Variants in PPP2R1B observed in about 807,000 individuals in gnomAD.
PPP2R1B encodes protein phosphatase 2 scaffold subunit Abeta.
In PPP2R1B, 58 loss-of-function variants were observed where a neutral mutation model predicts 72.7. The ratio of observed to expected loss-of-function variants is 0.80; its 90% confidence interval spans 0.65 to 0.99. The LOEUF is 0.99. PPP2R1B is among the 50% of genes least tolerant of loss of function. The pLI is 0.00. For synonymous variants in PPP2R1B, 256 were observed against 264.6 expected, an observed-to-expected ratio of 0.97 and a Z score of 0.32; for missense variants, 695 against 733.6, an observed-to-expected ratio of 0.95 and a Z score of 0.61.
downstream of PPP2R1B, among the ~76,000 whole-genome samples, chr11:111,734,120 C>T (rs1183725219): frequency 6.6e-6 from 1 of 152,198 alleles, no homozygotes; most frequent in Non-Finnish European, 1.5e-5. Context: ...TGCAGCCTGG[C>T]CTGGCACTCC....
At chr11:111,758,003 A>G (rs1466304576) in intron 5 of PPP2R1B, among the ~76,000 whole-genome samples, 5 of 152,298 alleles carry the variant, frequency 3.3e-5, no homozygotes, top group African/African-American at 1.2e-4. Context: ...ATCCAATCCA[A>G]TAATACTAAC....
chr11:111,740,242 G>A lies in PPP2R1B; in HGVS notation c.*1354C>T. 1.0e-6 allele frequency: 1 copy of A among 981,262 alleles called. No individual in the cohort carries two copies. Among genetic ancestry groups the A allele is most frequent in the Non-Finnish European group, 1.2e-6 (1 of 826,210 alleles). 60.8% of individuals were successfully genotyped at this position (981,262 alleles called of 1,614,324 possible). A position where few individuals can be genotyped will look rare whatever the true frequency, so the allele number is the denominator to read the frequency against. ...AAAATAGTTGTTTTTTTTTGAGATGGACTCTCGCTCTATGGCCCAGGCTAG... is the reference window on the plus strand; with the variant it reads ...AAAATAGTTGTTTTTTTTTGAGATGAACTCTCGCTCTATGGCCCAGGCTAG... On this transcript the variant is annotated 3_prime_UTR_variant, in exon 15 of 15. Transcript: ENST00000527614.
At chr11:111,723,679 C>A, downstream of PPP2R1B, 8 of 1,614,162 alleles carry the variant, frequency 5.0e-6, no homozygotes, top group Non-Finnish European at 6.8e-6. Flanking sequence ...TGAGCCCCGT[C>A]CTGGAGCCTT....
chr11:111,766,159 C>T, intron 1 of PPP2R1B, 89 bp downstream of exon 1: 2 of 1,310,850 alleles, frequency 1.5e-6, no homozygotes, highest in South Asian at 1.2e-5. Context: ...TTCAGTACCT[C>T]GGCCACCCCC....
intron 15 of PPP2R1B, chr11:111,727,738 AT>A (rs1404057041): frequency 6.6e-6 from 1 of 152,464 alleles, no homozygotes; most frequent in East Asian, 1.9e-4. Flanking sequence ...CTCCAGAGTG[AT>A]TAGGTGATCA....
chr11:111,766,323 T>G lies in PPP2R1B; in HGVS notation c.39A>C (p.Ala13=), dbSNP rs781989464. Residue 13 remains alanine, a synonymous_variant, in exon 1 of 15, where the codon GCA becomes GCC. Transcript: ENST00000527614. ...GASELGTGPG[A]AGGDGDDSLY... ...GCGAATCATCTCCATCTCCACCCGCTGCTCCTGGGCCGGTCCCGAGCTCTG... is the reference window on the plus strand; with the variant it reads ...GCGAATCATCTCCATCTCCACCCGCGGCTCCTGGGCCGGTCCCGAGCTCTG... The G allele has an allele frequency of 8.4e-6, 13 of 1,554,250 alleles. No individual in the cohort carries two copies. The highest frequency in any genetic ancestry group is 1.1e-5 in the Non-Finnish European group (13 of 1,155,896).
intron 15 of PPP2R1B, chr11:111,727,352 T>G: frequency 2.2e-6 from 1 of 452,168 alleles, no homozygotes; most frequent in East Asian, 3.5e-5. Flanking sequence ...AAAAAGTCAG[T>G]GGCCCTTTCT....
the PPP2R1B span, among the ~76,000 whole-genome samples, chr11:111,718,395 C>T: frequency 5.3e-5 from 8 of 152,168 alleles, no homozygotes; most frequent in Non-Finnish European, 1.2e-4. Context: ...GGCCAGGTTT[C>T]AGAGTTTTGC....
chr11:111,713,523 A>C, the PPP2R1B span, among the ~76,000 whole-genome samples: 1 of 152,220 alleles, frequency 6.6e-6, no homozygotes, highest in Non-Finnish European at 1.5e-5. Flanking sequence ...GATTATAGAT[A>C]ATAAATAATG....
rs555073634 is a variant in PPP2R1B, at chr11:111,763,445, T to C, written c.306+1360A>G. Reference sequence around the variant, plus strand: ...AAGAGCTATAGCAGAGAGTGAGCCATCTGCTGGGTGATGTGAACTGTAAGA... The same window carrying C: ...AAGAGCTATAGCAGAGAGTGAGCCACCTGCTGGGTGATGTGAACTGTAAGA... On this transcript the variant is annotated intron_variant, in intron 3 of 14. Transcript: ENST00000527614. Among the ~76,000 whole-genome samples, 30 of 152,264 alleles carry C rather than the reference T, an allele frequency of 2.0e-4. No individual in the cohort carries two copies. The South Asian group carries it at 6.2e-3, about 32-fold the overall frequency.
At chr11:111,694,685 G>A in the PPP2R1B span, among the ~76,000 whole-genome samples, 2 of 152,238 alleles carry the variant, frequency 1.3e-5, no homozygotes, top group African/African-American at 4.8e-5. Flanking sequence ...TACGTAAAAA[G>A]TAAAAAGAGC....
chr11:111,688,422 G>T, the PPP2R1B span, among the ~76,000 whole-genome samples: 16 of 152,336 alleles, frequency 1.1e-4, no homozygotes, highest in Non-Finnish European at 2.1e-4. The surrounding 1 kb of genome is among the most constrained non-coding windows in gnomAD (Gnocchi z 4.2). Context: ...GGGGTGCTCT[G>T]CTGGAAGAGG....
chr11:111,750,847 T>TG (rs199929118), intron 10 of PPP2R1B, among the ~76,000 whole-genome samples: 2,214 of 151,186 alleles, frequency 0.015, 28 homozygotes, highest in Non-Finnish European at 0.02. Flanking sequence ...TGTTTTGTTT[T>TG]TTTTTTTTTG....
At chr11:111,703,531 G>A in the PPP2R1B span, 36 of 880,988 alleles carry the variant, frequency 4.1e-5, no homozygotes, top group African/African-American at 1.8e-4. Context: ...GCGCCTAGGC[G>A]TACTGTTCAG....
chr11:111,726,744 T>C (rs1943980616), downstream of PPP2R1B: 2 of 566,512 alleles, frequency 3.5e-6, no homozygotes, highest in East Asian at 2.9e-5. Flanking sequence ...TTAGTATCGC[T>C]CTTTTTCTGC....
chr11:111,688,109 A>T, the PPP2R1B span: 1 of 1,614,052 alleles, frequency 6.2e-7, no homozygotes, highest in Non-Finnish European at 8.5e-7. This position sits in a 1 kb window ranked among gnomAD's most constrained non-coding sequence, Gnocchi z 4.2. Context: ...GTGCACCGTG[A>T]CCTCAAAGCT....
At chr11:111,711,315 G>A in the PPP2R1B span, among the ~76,000 whole-genome samples, 1 of 152,042 alleles carries the variant, frequency 6.6e-6, no homozygotes, top group East Asian at 1.9e-4. Flanking sequence ...TAGAGACGGG[G>A]TTTCACCATG....
intron 5 of PPP2R1B, among the ~76,000 whole-genome samples, chr11:111,759,579 TC>T (rs1591708224): frequency 1.3e-5 from 2 of 152,138 alleles, no homozygotes; most frequent in African/African-American, 4.8e-5. Context: ...CCTCTCTGAC[TC>T]CCCACTCTTT....
chr11:111,704,283 G>C, the PPP2R1B span, among the ~76,000 whole-genome samples: 1 of 152,154 alleles, frequency 6.6e-6, no homozygotes, highest in African/African-American at 2.4e-5. Flanking sequence ...CTGCATCCTG[G>C]TGCCCTGCAC....
Sources: gnomAD v4.1 joint callset for allele counts (sites outside exome capture counted in the v4.1 genomes callset) on GRCh38, gnomAD v4.1.1 for gene constraint, Gnocchi (gnomAD v3.1) non-coding constraint, MANE v1.5 for transcripts, NCBI Gene and HGNC (gene_info 2026-07-23, HGNC 2026-07-21) for gene names.